Variants in MAML1 observed in about 807,000 individuals in gnomAD.
MAML1 encodes mastermind like transcriptional coactivator 1, also known as mastermind-like protein 1.
Under a neutral mutation model 77.1 loss-of-function variants are expected in MAML1, and 14 were observed. The ratio of observed to expected loss-of-function variants is 0.18; its 90% CI spans 0.12 to 0.28. The LOEUF (loss-of-function observed/expected upper bound fraction) is 0.28. Ranked by LOEUF, MAML1 falls within the 10% of genes least tolerant of loss-of-function variation. The pLI, the probability that MAML1 is intolerant of heterozygous loss-of-function variation, is 1.00. For missense variants in MAML1, 1,217 were observed against 1,327.8 expected (o/e 0.92, Z 1.30); for synonymous variants, 516 against 551.9 (o/e 0.93, Z 0.91).
chr5:179,733,633 C>T (rs1347476550), intron 1 of MAML1, among the ~76,000 whole-genome samples: 2 of 152,242 alleles, frequency 1.3e-5, no homozygotes, highest in Non-Finnish European at 2.9e-5. Flanking sequence ...AAAACAGCGC[C>T]TTGAGGGCCT....
chr5:179,769,018 A>C lies in MAML1; in HGVS notation c.1900A>C (p.Arg634=). 6.2e-7 allele frequency: 1 copy of C among 1,614,234 alleles called. No homozygotes were observed. Among genetic ancestry groups the C allele is most frequent in the Non-Finnish European group, 8.5e-7 (1 of 1,180,050 alleles). ...HQLLLDQQKQ[R]EQQQKHLQQQ... is the part of the protein sequence containing the mutation. Reference sequence around the variant, plus strand: ...GTTGCTTTTGGACCAACAGAAACAAAGGGAGCAGCAGCAAAAGCATTTACA... The same window carrying C: ...GTTGCTTTTGGACCAACAGAAACAACGGGAGCAGCAGCAAAAGCATTTACA... Residue 634 remains arginine, a synonymous_variant, in exon 3 of 5, where the codon AGG becomes CGG. Coordinates refer to ENST00000292599, the MANE Select transcript of MAML1 (RefSeq NM_014757.5). The surrounding 1 kb of genome is among the most constrained non-coding windows in gnomAD (Gnocchi z 4.2).
intron 1 of MAML1, among the ~76,000 whole-genome samples, chr5:179,759,488 C>A (rs1261491897): frequency 6.6e-6 from 1 of 152,212 alleles, no homozygotes; most frequent in Non-Finnish European, 1.5e-5. Context: ...TAAGTCAGGA[C>A]TTCTTCCTAC....
Position 179,766,426 on chromosome 5 carries a change from G to A in MAML1, c.1416G>A (p.Lys472=). ...TGCTCATGATGCCTAGTGTGAATAA[G>A]AGTTCCCCTCGGCCCGGAGGCCCCT... The part of the protein sequence containing the change: ...SKLLMMPSVN[K]SSPRPGGPYL... Residue 472 remains lysine, a synonymous_variant, in exon 2 of 5, where the codon AAG becomes AAA. Transcript: ENST00000292599. The surrounding 1 kb of genome is among the most constrained non-coding windows in gnomAD (Gnocchi z 4.0). 6.2e-7 allele frequency: 1 copy of A among 1,612,954 alleles called. No homozygotes were observed.
rs530850484 is a variant in MAML1, at chr5:179,764,372, A to G, written c.316-954A>G. Among the ~76,000 whole-genome samples, 405 of 152,260 alleles carry G rather than the reference A, an allele frequency of 2.7e-3. 1 individual carries two copies. The highest frequency in any genetic ancestry group is 9.2e-3 in the African/African-American group (383 of 41,558). On this transcript the variant is annotated intron_variant, in intron 1 of 4. Transcript: ENST00000292599. ...CAAATAGTCCCAATAAGAAGTAGTG[A>G]GGGGCCGGCCGGGCGCAGTGGCTCA...
intron 1 of MAML1, among the ~76,000 whole-genome samples, chr5:179,759,748 A>C (rs913261941): frequency 1.3e-5 from 2 of 152,192 alleles, no homozygotes; most frequent in Admixed American, 1.3e-4. Flanking sequence ...TGTAAGTCCT[A>C]CCCTCACGTG....
chr5:179,756,912 G>T (rs1212716283), intron 1 of MAML1, among the ~76,000 whole-genome samples: 1 of 152,124 alleles, frequency 6.6e-6, no homozygotes, highest in African/African-American at 2.4e-5. Flanking sequence ...TGGATTTGGG[G>T]AGGAAGGCAA....
chr5:179,774,561 C>T lies in MAML1; in HGVS notation c.2735C>T (p.Thr912Ile). The T allele has an allele frequency of 6.2e-6, 10 of 1,612,756 alleles. No homozygotes were observed. Among genetic ancestry groups the T allele is most frequent in the Non-Finnish European group, 8.5e-6 (10 of 1,179,850 alleles). ...CCCCCAGTGAGTGCACAGCAGAGGA[C>T]CAGCGCCCCTGCCCCAGCACCACCC... is the stretch of plus-strand genomic sequence containing the variant. ...LLPPVSAQQR[T>I]SAPAPAPPPT... The change falls in exon 5 of 5, where the codon ACC (threonine) becomes ATC (isoleucine). Residue 912 changes from threonine (T) to isoleucine (I), a missense_variant. Physicochemically the swap from Thr to Ile is moderately conservative, Grantham distance 89. Coordinates refer to ENST00000292599, the MANE Select transcript of MAML1 (RefSeq NM_014757.5).
chr5:179,753,184 AGTGTGTGTGTGTGTGTGT>A (rs59680995), intron 1 of MAML1, among the ~76,000 whole-genome samples: 7 of 120,510 alleles, frequency 5.8e-5, no homozygotes, highest in South Asian at 3.1e-4. Flanking sequence ...GCTATTTTTT[AGTGTGTGTGTGTGTGTGT>A]GTGTGTGTGT....
chr5:179,762,526 G>A (rs1779742584), intron 1 of MAML1, among the ~76,000 whole-genome samples: 1 of 152,166 alleles, frequency 6.6e-6, no homozygotes, highest in Non-Finnish European at 1.5e-5. Context: ...GGTCCTCCTG[G>A]AACCCTGTAC....
chr5:179,767,004 G>C lies in MAML1; in HGVS notation c.1731+263G>C, dbSNP rs534034161. On this transcript the variant is annotated intron_variant, in intron 2 of 4. Coordinates refer to ENST00000292599, the MANE Select transcript of MAML1 (RefSeq NM_014757.5). The stretch of plus-strand genomic sequence containing the variant: ...AGGAATCACCTGCATTTAGTCCACT[G>C]TCTCTTTCGTGCCGTAGGATTTAAA... Among the ~76,000 whole-genome samples the C allele has an allele frequency of 1.4e-4, 21 of 151,662 alleles. No individual in the cohort carries two copies. The South Asian group carries it at 2.9e-3, about 21-fold the overall frequency.
chr5:179,764,386 C>T (rs922290302), intron 1 of MAML1, among the ~76,000 whole-genome samples: 7 of 152,084 alleles, frequency 4.6e-5, no homozygotes, highest in African/African-American at 7.2e-5. Context: ...GCCGGCCGGG[C>T]GCAGTGGCTC....
chr5:179,758,119 T>TA lies in MAML1; in HGVS notation c.316-7202dup, dbSNP rs1276394781. Among the ~76,000 whole-genome samples, 4 of 152,310 alleles carry TA rather than the reference T, an allele frequency of 2.6e-5. No individual in the cohort carries two copies. The East Asian group carries it at 7.7e-4, about 29-fold the overall frequency. On this transcript the variant is annotated intron_variant, in intron 1 of 4. Coordinates refer to ENST00000292599, the MANE Select transcript of MAML1 (RefSeq NM_014757.5). Reference sequence around the variant, plus strand: ...TAATTATTTCAAAAACGTTTAAATTTAAAAAGATGATGTGAAAACGTTTAG... The same window carrying TA: ...TAATTATTTCAAAAACGTTTAAATTTAAAAAAGATGATGTGAAAACGTTTAG...
At chr5:179,761,134 C>G (rs1779718978) in intron 1 of MAML1, among the ~76,000 whole-genome samples, 1 of 152,066 alleles carries the variant, frequency 6.6e-6, no homozygotes, top group Admixed American at 6.6e-5. Flanking sequence ...TGGCTCACAC[C>G]TGTAATCCCA....
In MAML1 at chr5:179,774,132, A is replaced by C. The variant is rs1345626565; in HGVS notation, c.2306A>C (p.Gln769Pro). 6.2e-7 allele frequency: 1 copy of C among 1,613,126 alleles called. No homozygotes were observed. The highest frequency in any genetic ancestry group is 1.7e-5 in the Admixed American group (1 of 60,016). ...MASGITQIVA[Q>P]PPPQATNGHA... ...TCTGGCATAACCCAGATAGTTGCCC[A>C]GCCCCCGCCACAGGCCACCAATGGA... The change falls in exon 5 of 5, where the codon CAG becomes CCG. Residue 769 changes from glutamine (Q) to proline (P), a missense_variant. Physicochemically the swap from Gln to Pro is moderately conservative, Grantham distance 76. Coordinates refer to ENST00000292599, the MANE Select transcript of MAML1 (RefSeq NM_014757.5).
chr5:179,743,194 A>T (rs1022340375), intron 1 of MAML1, among the ~76,000 whole-genome samples: 2 of 151,606 alleles, frequency 1.3e-5, no homozygotes, highest in African/African-American at 4.9e-5. Context: ...CTGGGATTAC[A>T]GGCAGGCACC....
Position 179,777,207 on chromosome 5 carries a change from C to T in MAML1, c.*2330C>T. On this transcript the variant is annotated 3_prime_UTR_variant, in exon 5 of 5. Coordinates refer to ENST00000292599, the MANE Select transcript of MAML1 (RefSeq NM_014757.5). Reference sequence around the variant, plus strand: ...CCATATTCTTCTACTGCCCTTAACTCTGGTATACACCAAAAAGAAATCTTT... The same window carrying T: ...CCATATTCTTCTACTGCCCTTAACTTTGGTATACACCAAAAAGAAATCTTT... The T allele has an allele frequency of 1.0e-6, 1 of 970,830 alleles. No individual in the cohort carries two copies. Among genetic ancestry groups the T allele is most frequent in the Non-Finnish European group, 1.2e-6 (1 of 816,432 alleles). The allele number at this position is 970,830 out of a possible 1,614,324, so 60.1% of individuals were successfully genotyped here.
chr5:179,776,134 C>T lies in MAML1; in HGVS notation c.*1257C>T. On this transcript the variant is annotated 3_prime_UTR_variant, in exon 5 of 5. Coordinates refer to ENST00000292599, the MANE Select transcript of MAML1 (RefSeq NM_014757.5). ...TTTTGGAAAACGAAGATGGAGAGAG[C>T]ACTTCCCCGTAACGAAAGCAAAGTG... 1 of 985,896 alleles carries T rather than the reference C, an allele frequency of 1.0e-6. No individual in the cohort carries two copies. Among genetic ancestry groups the T allele is most frequent in the Non-Finnish European group, 1.2e-6 (1 of 829,940 alleles). The allele number at this position is 985,896 out of a possible 1,614,324, so 61.1% of individuals were successfully genotyped here. A position where few individuals can be genotyped will look rare whatever the true frequency, so the allele number is the denominator to read the frequency against.
chr5:179,763,553 A>C (rs1170767805), intron 1 of MAML1, among the ~76,000 whole-genome samples: 1 of 152,170 alleles, frequency 6.6e-6, no homozygotes, highest in Admixed American at 6.5e-5. Flanking sequence ...GTCAGCTTTA[A>C]CAGTTAAGAA....
intron 1 of MAML1, among the ~76,000 whole-genome samples, chr5:179,742,514 A>T (rs1259334161): frequency 6.6e-6 from 1 of 150,422 alleles, no homozygotes; most frequent in African/African-American, 2.5e-5. Context: ...AAAAAAACCA[A>T]CATTTTTGCC....
Sources: allele counts gnomAD v4.1 joint callset (sites outside exome capture counted in the v4.1 genomes callset), GRCh38; gene constraint gnomAD v4.1.1; non-coding constraint Gnocchi (gnomAD v3.1); transcripts MANE v1.5; gene names NCBI Gene and HGNC (gene_info 2026-07-23, HGNC 2026-07-21).